The following PAK3 variants were observed in gnomAD, a reference collection of about 807,000 sequenced individuals.
PAK3 encodes the protein p21 (RAC1) activated kinase 3.
Under a neutral mutation model 41.0 loss-of-function variants are expected in PAK3, and 4 were observed. That is an observed-to-expected ratio of 0.10 (90% CI 0.05 to 0.22). The LOEUF (loss-of-function observed/expected upper bound fraction) is 0.22, where lower values mean the gene tolerates loss of function less well. Ranked by LOEUF, PAK3 falls within the 10% of genes least tolerant of loss-of-function variation. The pLI, the probability that PAK3 is intolerant of heterozygous loss-of-function variation, is 1.00. For missense variants in PAK3, 205 were observed against 409.9 expected, an observed-to-expected ratio of 0.50 and a Z score of 4.32; for synonymous variants, 146 against 139.6, an observed-to-expected ratio of 1.05 and a Z score of -0.32.
At chrX:110,948,263 G>A (rs2090663915) in intron 1 of PAK3, among the ~76,000 whole-genome samples, 1 of 112,032 alleles carries the variant, frequency 8.9e-6, no homozygotes. Flanking sequence ...AACATACACT[G>A]CTGACTAGAG....
chrX:111,120,308 T>C (rs2093546670), intron 4 of PAK3, among the ~76,000 whole-genome samples: 1 of 111,796 alleles, frequency 8.9e-6, no homozygotes. Flanking sequence ...AGAGTTTAGT[T>C]TGAGTTTTAG....
At chrX:111,011,946 T>C (rs2092017011) in intron 1 of PAK3, among the ~76,000 whole-genome samples, 1 of 112,173 alleles carries the variant, frequency 8.9e-6, no homozygotes, top group African/African-American at 3.2e-5. Flanking sequence ...ATGAACAATA[T>C]GAATATGCCA....
At chrX:111,001,642 A>G (rs953087297) in intron 1 of PAK3, among the ~76,000 whole-genome samples, 4 of 112,411 alleles carry the variant, frequency 3.6e-5, no homozygotes, top group African/African-American at 1.3e-4. Context: ...TTCAGGTAGC[A>G]TCACTTGGAT....
rs768165310 is a variant in PAK3 at position 111,038,369 on chromosome X, C to A, written c.-27-84708C>A. On this transcript the variant is annotated intron_variant, in intron 1 of 14. Transcript: ENST00000425146. ...GACCTGGTACTTTGACAGTAAGTGT[C>A]CTGCCATCCTCTGCTCACCTGGGCT... 2.7e-5 allele frequency among the ~76,000 whole-genome samples: 3 copies of A among 112,031 alleles called. No individual in the cohort carries two copies. The East Asian group carries it at 8.5e-4, about 32-fold the overall frequency.
intron 1 of PAK3, among the ~76,000 whole-genome samples, chrX:111,042,343 T>G (rs1225350010): frequency 8.9e-6 from 1 of 112,234 alleles, no homozygotes; most frequent in Non-Finnish European, 1.9e-5. Flanking sequence ...CATCTCCTGC[T>G]GCCCACCCAC....
Position 111,208,132 on chromosome X carries a change from A to G in PAK3, c.1408-8289A>G, listed in dbSNP as rs946404819. On this transcript the variant is annotated intron_variant, in intron 16 of 17. Transcript: ENST00000372007. The stretch of plus-strand genomic sequence containing the variant: ...GTTTTTAACAAAAAAGTTTGAAATG[A>G]AAAAAGGAAAACATTTTTAAGATAG... 3.5e-5 allele frequency among the ~76,000 whole-genome samples: 4 copies of G among 112,830 alleles called. No homozygotes were observed. The Admixed American group carries it at 3.7e-4, about 11-fold the overall frequency.
intron 1 of PAK3, among the ~76,000 whole-genome samples, chrX:111,037,972 G>A (rs2148764671): frequency 9.0e-6 from 1 of 111,278 alleles, no homozygotes; most frequent in South Asian, 3.8e-4. Flanking sequence ...AAAGATGAGA[G>A]TTCAAATCCA....
At chrX:110,965,413 G>C (rs1037259508) in intron 1 of PAK3, among the ~76,000 whole-genome samples, 1 of 112,036 alleles carries the variant, frequency 8.9e-6, no homozygotes, top group Admixed American at 9.4e-5. Context: ...TTGGCCTAAG[G>C]TCTGCTGCAG....
chrX:111,188,773 T>C (rs2094535741), intron 11 of PAK3, among the ~76,000 whole-genome samples: 1 of 112,341 alleles, frequency 8.9e-6, no homozygotes, highest in African/African-American at 3.2e-5. Flanking sequence ...GATTGTGCCA[T>C]GCACAATCTC....
chrX:110,970,287 T>C (rs1284749928), intron 1 of PAK3, among the ~76,000 whole-genome samples: 5 of 112,063 alleles, frequency 4.5e-5, no homozygotes, highest in African/African-American at 6.5e-5. Flanking sequence ...TTTAAGTTCC[T>C]TGTAGATTCT....
At chrX:111,046,578 G>T (rs1401617936) in intron 1 of PAK3, among the ~76,000 whole-genome samples, 1 of 111,622 alleles carries the variant, frequency 9.0e-6, no homozygotes, top group African/African-American at 3.3e-5. Context: ...TACAGATGGG[G>T]TGTAGGATTG....
At chrX:111,192,440 A>AAAATATG (rs1190996741) in intron 12 of PAK3, 66 bp from the exon 13 acceptor site, 1 of 655,560 alleles carries the variant, frequency 1.5e-6, no homozygotes, top group Non-Finnish European at 2.5e-6. Context: ...TATGTCCCCC[A>AAAATATG]AAATATGAAT....
chrX:111,036,408 C>T (rs1233680335), intron 1 of PAK3, among the ~76,000 whole-genome samples: 2 of 112,419 alleles, frequency 1.8e-5, no homozygotes, highest in African/African-American at 3.2e-5. Context: ...CACAGTTCCA[C>T]GTGGCTGGGA....
At chrX:111,138,453 A>T (rs145300672) in intron 5 of PAK3, among the ~76,000 whole-genome samples, 8,473 of 111,302 alleles carry the variant, frequency 0.076, 830 homozygotes, top group African/African-American at 0.26. Flanking sequence ...AGCTCAAAGT[A>T]GACACTGAGT....
intron 5 of PAK3, among the ~76,000 whole-genome samples, chrX:111,130,805 C>G (rs905263161): frequency 9.0e-6 from 1 of 111,491 alleles, no homozygotes; most frequent in Admixed American, 9.5e-5. Flanking sequence ...TTTGGAAAGC[C>G]GTTATAGGTG....
intron 1 of PAK3, among the ~76,000 whole-genome samples, chrX:110,980,389 A>G (rs2091428637): frequency 8.9e-6 from 1 of 111,919 alleles, no homozygotes; most frequent in East Asian, 2.8e-4. Flanking sequence ...TATTGGGAAA[A>G]TGGTATGACC....
chrX:111,060,577 C>T (rs141374047), intron 1 of PAK3, among the ~76,000 whole-genome samples: 1,877 of 110,832 alleles, frequency 0.017, 47 homozygotes, highest in African/African-American at 0.057. Context: ...ATTGTTAATT[C>T]GATATTTTTA....
At chrX:111,185,729 C>A (rs1399881010) in intron 11 of PAK3, among the ~76,000 whole-genome samples, 3 of 111,143 alleles carry the variant, frequency 2.7e-5, no homozygotes, top group Non-Finnish European at 5.7e-5. Context: ...GTCTATGTTT[C>A]TGTTTTGGTA....
chrX:111,043,248 T>G (rs974021852), intron 1 of PAK3, among the ~76,000 whole-genome samples: 3 of 108,287 alleles, frequency 2.8e-5, no homozygotes, highest in Non-Finnish European at 3.8e-5. Context: ...GAGTTATGAT[T>G]GTGCCACTAC....
Sources: allele counts gnomAD v4.1 joint callset (sites outside exome capture counted in the v4.1 genomes callset), GRCh38; gene constraint gnomAD v4.1.1; transcripts MANE v1.5; gene names NCBI Gene and HGNC (gene_info 2026-07-23, HGNC 2026-07-21).